NRG3: variants seen among roughly 807,000 people sequenced by gnomAD.
The protein encoded by NRG3 is neuregulin 3, also known as pro-neuregulin-3, membrane-bound isoform.
NRG3 carries 31 observed loss-of-function variants against 66.9 expected under a neutral mutation model. The ratio of observed to expected loss-of-function variants is 0.46; its 90% confidence interval spans 0.35 to 0.63. The LOEUF (loss-of-function observed/expected upper bound fraction) is 0.63. NRG3 is among the 20% of genes least tolerant of loss of function. The pLI is 0.00. For missense variants in NRG3, 910 were observed against 878.9 expected (o/e 1.04, Z -0.45); for synonymous variants, 393 against 359.4 (o/e 1.09, Z -1.06).
At chr10:82,131,569 G>A (rs1364121649) in intron 1 of NRG3, among the ~76,000 whole-genome samples, 7 of 151,916 alleles carry the variant, frequency 4.6e-5, no homozygotes, top group Non-Finnish European at 1.5e-5. Flanking sequence ...TTCTATTTCT[G>A]TGAAGAATGT....
At chr10:82,683,872 A>T (rs186117189) in intron 2 of NRG3, among the ~76,000 whole-genome samples, 1 of 152,306 alleles carries the variant, frequency 6.6e-6, no homozygotes, top group Non-Finnish European at 1.5e-5. Context: ...ATTTTTCTTT[A>T]CATTTTCCTA....
chr10:82,135,191 C>T (rs1375858869), intron 1 of NRG3, among the ~76,000 whole-genome samples: 1 of 151,438 alleles, frequency 6.6e-6, no homozygotes, highest in Admixed American at 6.6e-5. Flanking sequence ...AGGGTTTCCA[C>T]TGAGAATTCT....
chr10:82,289,099 T>A (rs1339892619), intron 1 of NRG3, among the ~76,000 whole-genome samples: 1 of 152,208 alleles, frequency 6.6e-6, no homozygotes, highest in East Asian at 1.9e-4. Flanking sequence ...CTGTACTTCT[T>A]GGCTTTTCTG....
chr10:82,174,998 T>A (rs1480392446), intron 1 of NRG3, among the ~76,000 whole-genome samples: 4 of 152,172 alleles, frequency 2.6e-5, no homozygotes, highest in African/African-American at 9.6e-5. Flanking sequence ...TTTAAAAAAA[T>A]TATGGTTAAT....
chr10:82,467,991 G>T (rs1840853984), intron 2 of NRG3, among the ~76,000 whole-genome samples: 1 of 152,072 alleles, frequency 6.6e-6, no homozygotes, highest in African/African-American at 2.4e-5. Flanking sequence ...TAAGGGAAAT[G>T]GAAAACATTT....
At position 82,909,258 on chromosome 10, in the gene NRG3, A is replaced by G. The variant is rs148742589; in HGVS notation, c.1055-42211A>G. Among the ~76,000 whole-genome samples the G allele has an allele frequency of 3.1e-3, 469 of 152,348 alleles. 8 individuals are homozygous for G. Among genetic ancestry groups the G allele is most frequent in the African/African-American group, 0.01 (418 of 41,586 alleles). On this transcript the variant is annotated intron_variant, in intron 4 of 8. Coordinates refer to ENST00000372141, the MANE Select transcript of NRG3 (RefSeq NM_001010848.4). The stretch of plus-strand genomic sequence containing the variant: ...TATTACCTCCTAGAGATGACCTTCA[A>G]TGCAGAGAAATGGATTTTTGACTTT...
At chr10:82,594,675 A>G (rs918742650) in intron 2 of NRG3, among the ~76,000 whole-genome samples, 7 of 152,164 alleles carry the variant, frequency 4.6e-5, no homozygotes, top group Non-Finnish European at 7.3e-5. Context: ...ATTATTTCCT[A>G]CATCTAGCAA....
At chr10:82,570,654 AT>A (rs2045672313) in intron 2 of NRG3, among the ~76,000 whole-genome samples, 1 of 151,624 alleles carries the variant, frequency 6.6e-6, no homozygotes, top group Non-Finnish European at 1.5e-5. Context: ...ATCAAGATCT[AT>A]TGGTAAATAT....
At chr10:82,020,001 G>A (rs1456887929) in intron 1 of NRG3, among the ~76,000 whole-genome samples, 2 of 151,874 alleles carry the variant, frequency 1.3e-5, no homozygotes, top group Non-Finnish European at 2.9e-5. Flanking sequence ...GTTTGCTCTT[G>A]CTTCTCTAGT....
intron 4 of NRG3, among the ~76,000 whole-genome samples, chr10:82,877,998 A>G (rs1483323426): frequency 6.6e-6 from 1 of 152,174 alleles, no homozygotes; most frequent in Non-Finnish European, 1.5e-5. Flanking sequence ...TATATGCTAG[A>G]GCTACGGTTT....
intron 1 of NRG3, among the ~76,000 whole-genome samples, chr10:82,183,183 T>A (rs772465199): frequency 5.3e-5 from 8 of 152,018 alleles, no homozygotes; most frequent in African/African-American, 1.9e-4. Context: ...GTTTTTGTTG[T>A]TTCTGTCCAG....
At chr10:82,675,691 T>C (rs2053634644) in intron 2 of NRG3, among the ~76,000 whole-genome samples, 1 of 152,144 alleles carries the variant, frequency 6.6e-6, no homozygotes, top group Non-Finnish European at 1.5e-5. Context: ...ATTAAATGCC[T>C]CCCAAGGCTA....
intron 2 of NRG3, among the ~76,000 whole-genome samples, chr10:82,460,918 T>C (rs1408785373): frequency 6.6e-6 from 1 of 152,208 alleles, no homozygotes; most frequent in Admixed American, 6.5e-5. Context: ...ATGGATTGCC[T>C]AATATTTATC....
At chr10:82,611,482 T>C (rs1192581311) in intron 2 of NRG3, among the ~76,000 whole-genome samples, 1 of 152,080 alleles carries the variant, frequency 6.6e-6, no homozygotes. Flanking sequence ...TGTGTTCTCA[T>C]TGTTCAGTTC....
At chr10:82,964,756 C>T (rs1366915857) in intron 6 of NRG3, among the ~76,000 whole-genome samples, 2 of 152,206 alleles carry the variant, frequency 1.3e-5, no homozygotes, top group Non-Finnish European at 2.9e-5. Flanking sequence ...AAAATATCCT[C>T]CTCCTGCTTT....
At chr10:81,879,151 C>T (rs565818958) in intron 1 of NRG3, among the ~76,000 whole-genome samples, 7 of 152,282 alleles carry the variant, frequency 4.6e-5, no homozygotes, top group Admixed American at 2.0e-4. Context: ...CTTTCTTCAG[C>T]GTTCCTGGGA....
At chr10:82,477,196 AAGG>A (rs956361441) in intron 2 of NRG3, among the ~76,000 whole-genome samples, 7 of 152,168 alleles carry the variant, frequency 4.6e-5, no homozygotes, top group African/African-American at 1.7e-4. Flanking sequence ...GGAGAATAAG[AAGG>A]AGAACAAGAA....
At chr10:82,480,327 A>G (rs970509785) in intron 2 of NRG3, among the ~76,000 whole-genome samples, 1 of 152,208 alleles carries the variant, frequency 6.6e-6, no homozygotes, top group Non-Finnish European at 1.5e-5. Context: ...ATTGAATTGC[A>G]CACATTCAAC....
At chr10:82,336,277 C>T (rs2082380831) in intron 1 of NRG3, among the ~76,000 whole-genome samples, 1 of 152,032 alleles carries the variant, frequency 6.6e-6, no homozygotes, top group Non-Finnish European at 1.5e-5. Context: ...AGAGTGCACC[C>T]TCTTCACAAA....
Sources: gnomAD v4.1 joint callset for allele counts (sites outside exome capture counted in the v4.1 genomes callset) on GRCh38, gnomAD v4.1.1 for gene constraint, MANE v1.5 for transcripts, NCBI Gene and HGNC (gene_info 2026-07-23, HGNC 2026-07-21) for gene names.